The following LRRC8D variants were observed in gnomAD, a reference collection of about 807,000 sequenced individuals.
LRRC8D encodes leucine rich repeat containing 8 VRAC subunit D.
In LRRC8D, 20 loss-of-function variants were observed where a neutral mutation model predicts 55.8. That is an observed-to-expected ratio of 0.36 (90% CI 0.25 to 0.52). The LOEUF is 0.52. Ranked by LOEUF, LRRC8D falls within the 20% of genes least tolerant of loss-of-function variation. The probability of loss-of-function intolerance (pLI) is 0.93; values close to 1 mark genes in which losing one functional copy is unlikely to be tolerated. For missense variants in LRRC8D, 651 were observed against 1,030.8 expected (o/e 0.63, Z 5.05); for synonymous variants, 352 against 377.0 (o/e 0.93, Z 0.77).
chr1:89,918,084 A>G (rs746039351), intron 2 of LRRC8D, among the ~76,000 whole-genome samples: 5 of 152,248 alleles, frequency 3.3e-5, no homozygotes, highest in Non-Finnish European at 7.3e-5. Context: ...CAAATGAATA[A>G]TTAGAAGAAG....
intron 2 of LRRC8D, among the ~76,000 whole-genome samples, chr1:89,885,223 G>C (rs1474921457): frequency 6.6e-6 from 1 of 151,992 alleles, no homozygotes; most frequent in Non-Finnish European, 1.5e-5. Context: ...CGAATTTTTG[G>C]CTTCATCCAG....
At chr1:89,855,049 T>A (rs954927726) in intron 2 of LRRC8D, among the ~76,000 whole-genome samples, 3 of 152,182 alleles carry the variant, frequency 2.0e-5, no homozygotes, top group African/African-American at 7.2e-5. Context: ...TTCATCTCTA[T>A]GTTGTTTCTC....
intron 2 of LRRC8D, among the ~76,000 whole-genome samples, chr1:89,898,012 G>C (rs563814738): frequency 6.6e-6 from 1 of 152,130 alleles, no homozygotes; most frequent in South Asian, 2.1e-4. Context: ...CCACCTAACC[G>C]CCATACTCGC....
intron 2 of LRRC8D, among the ~76,000 whole-genome samples, chr1:89,890,129 A>G (rs1662539183): frequency 6.6e-6 from 1 of 152,212 alleles, no homozygotes; most frequent in African/African-American, 2.4e-5. Flanking sequence ...GGAGCTTGGC[A>G]GTGAGCCAAG....
intron 2 of LRRC8D, among the ~76,000 whole-genome samples, chr1:89,892,786 C>A (rs1011127258): frequency 2.6e-5 from 4 of 152,192 alleles, no homozygotes; most frequent in Non-Finnish European, 4.4e-5. Flanking sequence ...TTCCAAAGTG[C>A]TGGGATTACA....
chr1:89,851,539 T>G (rs1346983416), intron 2 of LRRC8D, among the ~76,000 whole-genome samples: 2 of 151,930 alleles, frequency 1.3e-5, no homozygotes, highest in Non-Finnish European at 2.9e-5. Context: ...GACGAGAGTC[T>G]TGCTGTGTTG....
chr1:89,925,828 C>A (rs752109996), intron 2 of LRRC8D, among the ~76,000 whole-genome samples: 2 of 152,176 alleles, frequency 1.3e-5, no homozygotes, highest in Non-Finnish European at 2.9e-5. Flanking sequence ...TAATTCAAGT[C>A]CTGTGGCTGA....
At chr1:89,900,955 G>A (rs3738795) in intron 2 of LRRC8D, among the ~76,000 whole-genome samples, 22,306 of 152,152 alleles carry the variant, frequency 0.15, 1,810 homozygotes, top group Non-Finnish European at 0.19. Flanking sequence ...AATGTCAGGG[G>A]TGCATAATTC....
chr1:89,912,973 T>C (rs900382355), intron 2 of LRRC8D, among the ~76,000 whole-genome samples: 1 of 152,182 alleles, frequency 6.6e-6, no homozygotes, highest in Non-Finnish European at 1.5e-5. Context: ...ATAAGATAGA[T>C]GTTTATTTCC....
intron 2 of LRRC8D, among the ~76,000 whole-genome samples, chr1:89,850,474 C>T (rs1661384828): frequency 6.6e-6 from 1 of 152,210 alleles, no homozygotes; most frequent in South Asian, 2.1e-4. Flanking sequence ...TCTATGTGTC[C>T]ATGTGTTCTC....
At position 89,935,198 on chromosome 1, in the gene LRRC8D, A is replaced by C; in HGVS notation, c.2130A>C (p.Ser710=). 6.2e-7 allele frequency: 1 copy of C among 1,614,196 alleles called. No individual in the cohort carries two copies. The highest frequency in any genetic ancestry group is 1.1e-5 in the South Asian group (1 of 91,072). Reference sequence around the variant, plus strand: ...TTACCCATGTCAAAAACTTGGAGTCACTTTATTTCTCTAACAACAAGCTCG... The same window carrying C: ...TTACCCATGTCAAAAACTTGGAGTCCCTTTATTTCTCTAACAACAAGCTCG... ...PSITHVKNLE[S]LYFSNNKLES... is the part of the protein sequence containing the mutation. The change falls in exon 3 of 3, where the codon TCA becomes TCC. Residue 710 remains serine (S), a synonymous_variant. Coordinates refer to ENST00000337338, the MANE Select transcript of LRRC8D (RefSeq NM_001134479.2).
chr1:89,869,539 G>T (rs1221253693), intron 2 of LRRC8D, among the ~76,000 whole-genome samples: 1 of 152,146 alleles, frequency 6.6e-6, no homozygotes, highest in Admixed American at 6.6e-5. Context: ...TACACTTCAG[G>T]ATATTATCCA....
In LRRC8D at chr1:89,933,563, T is replaced by C. The variant is rs1663766082; in HGVS notation, c.495T>C (p.Phe165=). ...HLALPWYSKY[F]PYLALIHTII... ...CCCTTCCGTGGTATTCTAAGTACTT[T>C]CCATACCTAGCTCTTATACATACTA... Residue 165 remains phenylalanine, a synonymous_variant, in exon 3 of 3, where the codon TTT becomes TTC. Transcript: ENST00000337338. The surrounding 1 kb of genome is among the most constrained non-coding windows in gnomAD (Gnocchi z 7.0). 6.2e-7 allele frequency: 1 copy of C among 1,614,090 alleles called. No individual in the cohort carries two copies. Among genetic ancestry groups the C allele is most frequent in the African/African-American group, 1.3e-5 (1 of 74,944 alleles).
At chr1:89,843,207 C>G (rs1315362310) in intron 1 of LRRC8D, 1 of 155,370 alleles carries the variant, frequency 6.4e-6, no homozygotes, top group African/African-American at 2.4e-5. Context: ...GTCTTTACAC[C>G]TTCCCCGAGG....
intron 2 of LRRC8D, among the ~76,000 whole-genome samples, chr1:89,853,342 T>C (rs1661469039): frequency 6.6e-6 from 1 of 152,174 alleles, no homozygotes; most frequent in South Asian, 2.1e-4. Flanking sequence ...GGCATTCTTT[T>C]GATCTTAAGA....
At chr1:89,856,335 C>T (rs923149744) in intron 2 of LRRC8D, among the ~76,000 whole-genome samples, 3 of 151,694 alleles carry the variant, frequency 2.0e-5, no homozygotes, top group Non-Finnish European at 4.4e-5. Context: ...CTCTCTCTCT[C>T]ACACACACAC....
intron 2 of LRRC8D, among the ~76,000 whole-genome samples, chr1:89,884,082 T>A (rs1662352526): frequency 6.6e-6 from 1 of 152,230 alleles, no homozygotes; most frequent in African/African-American, 2.4e-5. Flanking sequence ...GTTAACCTTT[T>A]TTTCCTTTCT....
chr1:89,933,472 C>T lies in LRRC8D; in HGVS notation c.404C>T (p.Thr135Ile). Residue 135 changes from threonine (T) to isoleucine (I), a missense_variant, in exon 3 of 3, where the codon ACA (threonine) becomes ATA (isoleucine). Physicochemically the swap from Thr to Ile is moderately conservative, Grantham distance 89. This residue lies in a region of LRRC8D where 118 missense variants were observed against 138.0 expected (regional missense o/e 0.85). Coordinates refer to ENST00000337338, the MANE Select transcript of LRRC8D (RefSeq NM_001134479.2). This position sits in a 1 kb window ranked among gnomAD's most constrained non-coding sequence, Gnocchi z 7.0. The part of the protein sequence containing the change: ...QEAKKEKKDP[T>I]GRKTNLDFQQ... Reference sequence around the variant, plus strand: ...GCAAAGAAAGAGAAGAAAGATCCAACAGGTCGAAAAACAAACTTGGATTTT... The same window carrying T: ...GCAAAGAAAGAGAAGAAAGATCCAATAGGTCGAAAAACAAACTTGGATTTT... The T allele has an allele frequency of 6.2e-7, 1 of 1,614,142 alleles. No homozygotes were observed. Among genetic ancestry groups the T allele is most frequent in the Non-Finnish European group, 8.5e-7 (1 of 1,180,032 alleles).
chr1:89,845,289 G>T (rs943677614), intron 2 of LRRC8D, among the ~76,000 whole-genome samples: 10 of 152,188 alleles, frequency 6.6e-5, no homozygotes, highest in Admixed American at 5.2e-4. Flanking sequence ...ATGGCATTAA[G>T]TAGCCAAAAT....
Sources: gnomAD v4.1 joint callset for allele counts (sites outside exome capture counted in the v4.1 genomes callset) on GRCh38, gnomAD v4.1.1 for gene constraint, gnomAD v4.1.1 regional missense constraint, Gnocchi (gnomAD v3.1) non-coding constraint, MANE v1.5 for transcripts, NCBI Gene and HGNC (gene_info 2026-07-23, HGNC 2026-07-21) for gene names.